The following USP15 variants were observed in gnomAD, a reference collection of about 807,000 sequenced individuals.
The protein encoded by USP15 is ubiquitin specific peptidase 15, also known as ubiquitin carboxyl-terminal hydrolase 15.
A neutral mutation model predicts 127.1 loss-of-function variants in USP15; 18 were observed. That is an observed-to-expected ratio of 0.14 (90% confidence interval 0.10 to 0.21). The LOEUF (loss-of-function observed/expected upper bound fraction) is 0.21. Among genes scored for constraint, USP15 ranks in the 10% least tolerant of loss-of-function variants. USP15 has a pLI of 1.00. For synonymous variants in USP15, 364 were observed against 393.7 expected (o/e 0.92, Z 0.89); for missense variants, 805 against 1,159.9 (o/e 0.69, Z 4.44).
At chr12:62,386,953 A>G (rs2067168421) in intron 11 of USP15, among the ~76,000 whole-genome samples, 1 of 152,194 alleles carries the variant, frequency 6.6e-6, no homozygotes, top group Non-Finnish European at 1.5e-5. Flanking sequence ...GAAAATGTGT[A>G]AGTATATTCA....
At chr12:62,338,781 G>A (rs796156595) in intron 6 of USP15, among the ~76,000 whole-genome samples, 31 of 152,264 alleles carry the variant, frequency 2.0e-4, no homozygotes, top group African/African-American at 7.5e-4. Context: ...CATGGTTGTA[G>A]ATGTGTGGAG....
intron 6 of USP15, 80 bp from the exon 7 acceptor site, chr12:62,349,141 G>T: frequency 3.6e-6 from 3 of 832,366 alleles, no homozygotes; most frequent in South Asian, 2.7e-5. Context: ...TACAAACATT[G>T]TCATCTGTTC....
At chr12:62,266,660 G>A (rs2063199012) in intron 1 of USP15, among the ~76,000 whole-genome samples, 1 of 151,842 alleles carries the variant, frequency 6.6e-6, no homozygotes, top group South Asian at 2.1e-4. Context: ...GGAAATAAGG[G>A]GAAGATAGAG....
At chr12:62,293,500 G>A (rs2064036195) in intron 1 of USP15, among the ~76,000 whole-genome samples, 1 of 152,056 alleles carries the variant, frequency 6.6e-6, no homozygotes, top group Admixed American at 6.6e-5. Context: ...GGGGTTACAG[G>A]CACCTACCAC....
intron 8 of USP15, among the ~76,000 whole-genome samples, chr12:62,371,988 A>G (rs1278424812): frequency 1.3e-5 from 2 of 152,120 alleles, no homozygotes; most frequent in African/African-American, 2.4e-5. Context: ...TACTTTTCAG[A>G]GCTGTTGCAA....
intron 6 of USP15, among the ~76,000 whole-genome samples, chr12:62,340,343 C>A (rs1367196651): frequency 6.6e-6 from 1 of 152,000 alleles, no homozygotes; most frequent in East Asian, 1.9e-4. Context: ...CTCCTGGATT[C>A]GTTTATTTTT....
chr12:62,351,083 A>G (rs541274847), intron 7 of USP15, among the ~76,000 whole-genome samples: 1 of 152,238 alleles, frequency 6.6e-6, no homozygotes, highest in South Asian at 2.1e-4. Flanking sequence ...GGAGTACTAG[A>G]ATAATTTTTT....
chr12:62,295,399 G>A (rs1592521989), intron 2 of USP15, among the ~76,000 whole-genome samples: 1 of 152,126 alleles, frequency 6.6e-6, no homozygotes, highest in South Asian at 2.1e-4. Flanking sequence ...AAACTATTTC[G>A]AAGAAACTTA....
chr12:62,370,079 A>T (rs2137520142), intron 8 of USP15, among the ~76,000 whole-genome samples: 1 of 152,110 alleles, frequency 6.6e-6, no homozygotes, highest in East Asian at 1.9e-4. Context: ...GGTTCAAGCG[A>T]TTCTCCTGCT....
At chr12:62,375,002 C>G (rs2066781288) in intron 8 of USP15, among the ~76,000 whole-genome samples, 1 of 151,838 alleles carries the variant, frequency 6.6e-6, no homozygotes, top group Non-Finnish European at 1.5e-5. Context: ...ATGCATAAAC[C>G]ATTCAAATAT....
intron 1 of USP15, among the ~76,000 whole-genome samples, chr12:62,272,447 A>T (rs528659288): frequency 1.3e-5 from 2 of 152,030 alleles, no homozygotes; most frequent in Non-Finnish European, 2.9e-5. Flanking sequence ...ATAAACATGT[A>T]CAAATCAATA....
intron 1 of USP15, among the ~76,000 whole-genome samples, chr12:62,284,422 G>C (rs2063734662): frequency 2.0e-5 from 3 of 152,176 alleles, no homozygotes; most frequent in African/African-American, 7.2e-5. Flanking sequence ...AGTGAGTTCA[G>C]AATACTGGTA....
At chr12:62,401,321 T>A (rs1057161954) in intron 21 of USP15, 46 bp downstream of exon 21, 2 of 1,437,356 alleles carry the variant, frequency 1.4e-6, no homozygotes, top group African/African-American at 1.4e-5. Context: ...TTCACTGTCT[T>A]AAGGAGTGAA....
At chr12:62,328,651 T>A (rs1276271587) in intron 6 of USP15, among the ~76,000 whole-genome samples, 3 of 152,232 alleles carry the variant, frequency 2.0e-5, no homozygotes, top group African/African-American at 4.8e-5. Flanking sequence ...TTCAAAATTT[T>A]TTTTTTCCTA....
chr12:62,375,179 T>C (rs1327992522), intron 8 of USP15, among the ~76,000 whole-genome samples: 1 of 152,188 alleles, frequency 6.6e-6, no homozygotes, highest in East Asian at 1.9e-4. Flanking sequence ...CATAAAAATA[T>C]ATTTCCAAAC....
intron 2 of USP15, among the ~76,000 whole-genome samples, chr12:62,295,100 A>C (rs1406548269): frequency 6.6e-6 from 1 of 152,158 alleles, no homozygotes; most frequent in Non-Finnish European, 1.5e-5. Flanking sequence ...AAAATACCAG[A>C]AAGTAGTGAG....
intron 4 of USP15, among the ~76,000 whole-genome samples, chr12:62,318,999 T>C (rs1403209119): frequency 6.6e-6 from 1 of 152,220 alleles, no homozygotes; most frequent in African/African-American, 2.4e-5. Context: ...GACCTTGAAT[T>C]AGTCCATTCT....
intron 1 of USP15, among the ~76,000 whole-genome samples, chr12:62,262,111 G>A (rs920902752): frequency 2.0e-5 from 3 of 152,002 alleles, no homozygotes; most frequent in East Asian, 1.9e-4. Flanking sequence ...ATGGTGGCAC[G>A]CCTGTGGTCC....
chr12:62,322,875 A>G (rs1334230109), intron 5 of USP15, among the ~76,000 whole-genome samples: 1 of 152,192 alleles, frequency 6.6e-6, no homozygotes, highest in African/African-American at 2.4e-5. Flanking sequence ...AGTTCCCTGA[A>G]CACACTATGC....
Sources: gnomAD v4.1 joint callset for allele counts (sites outside exome capture counted in the v4.1 genomes callset) on GRCh38, gnomAD v4.1.1 for gene constraint, MANE v1.5 for transcripts, NCBI Gene and HGNC (gene_info 2026-07-23, HGNC 2026-07-21) for gene names.